LDLRAD4: variants seen among roughly 807,000 people sequenced by gnomAD.
LDLRAD4 encodes the protein low-density lipoprotein receptor class A domain-containing protein 4.
Under a neutral mutation model 17.0 loss-of-function variants are expected in LDLRAD4, and 5 were observed. The observed-to-expected ratio is 0.29, with a 90% CI of 0.15 to 0.62. The LOEUF (loss-of-function observed/expected upper bound fraction) is 0.62. Among genes scored for constraint, LDLRAD4 ranks in the 20% least tolerant of loss-of-function variants. LDLRAD4 has a pLI of 0.84. For missense variants in LDLRAD4, 340 were observed against 424.7 expected, an observed-to-expected ratio of 0.80 and a Z score of 1.75; for synonymous variants, 168 against 171.8, an observed-to-expected ratio of 0.98 and a Z score of 0.17.
chr18:13,297,667 G>C (rs2046348208), intron 1 of LDLRAD4, among the ~76,000 whole-genome samples: 1 of 152,158 alleles, frequency 6.6e-6, no homozygotes, highest in Non-Finnish European at 1.5e-5. Context: ...GGGCATGGTG[G>C]CATGCACCTG....
At chr18:13,592,410 C>A (rs1444661350) in intron 3 of LDLRAD4, among the ~76,000 whole-genome samples, 1 of 152,166 alleles carries the variant, frequency 6.6e-6, no homozygotes, top group Non-Finnish European at 1.5e-5. Flanking sequence ...TAATAGATTG[C>A]AACCCATGCT....
chr18:13,355,523 G>C (rs1051123131), intron 1 of LDLRAD4, among the ~76,000 whole-genome samples: 6 of 152,220 alleles, frequency 3.9e-5, no homozygotes, highest in African/African-American at 1.4e-4. Context: ...TTCCAGAAGG[G>C]CAAATGCCTA....
intron 1 of LDLRAD4, among the ~76,000 whole-genome samples, chr18:13,380,086 G>A (rs2085238130): frequency 2.0e-5 from 3 of 152,184 alleles, no homozygotes; most frequent in Admixed American, 2.0e-4. Flanking sequence ...GGGCATTGCC[G>A]CTGCTTGGCT....
intron 3 of LDLRAD4, among the ~76,000 whole-genome samples, chr18:13,478,823 GTACT>G (rs2093012297): frequency 6.6e-6 from 1 of 152,170 alleles, no homozygotes; most frequent in Non-Finnish European, 1.5e-5. Flanking sequence ...AGCCAACACA[GTACT>G]GAAGGGCAAG....
chr18:13,650,041 G>A (rs1433652475), exon 6 of LDLRAD4: 2 of 398,498 alleles, frequency 5.0e-6, no homozygotes, highest in Non-Finnish European at 8.8e-6. Flanking sequence ...CAGCAGCTGC[G>A]TGGCTTACCG....
chr18:13,252,380 C>T (rs574271386), intron 1 of LDLRAD4, among the ~76,000 whole-genome samples: 23 of 152,304 alleles, frequency 1.5e-4, no homozygotes, highest in East Asian at 3.9e-4. Context: ...CCACCCACCT[C>T]GTCCTCCCAA....
At chr18:13,401,080 G>T (rs2087144759) in intron 2 of LDLRAD4, among the ~76,000 whole-genome samples, 1 of 152,150 alleles carries the variant, frequency 6.6e-6, no homozygotes, top group African/African-American at 2.4e-5. Flanking sequence ...GCAAGGTGAG[G>T]CCTCGCTAAG....
chr18:13,240,868 C>CA (rs2042605325), intron 1 of LDLRAD4: 1 of 152,112 alleles, frequency 6.6e-6, no homozygotes, highest in Non-Finnish European at 1.5e-5. Context: ...GGTCTAATCT[C>CA]ACGATTTTTG....
chr18:13,505,852 A>G (rs2093683898), intron 3 of LDLRAD4, among the ~76,000 whole-genome samples: 1 of 152,050 alleles, frequency 6.6e-6, no homozygotes, highest in Non-Finnish European at 1.5e-5. Flanking sequence ...ACAAAACACT[A>G]GCAACCTTGA....
intron 4 of LDLRAD4, among the ~76,000 whole-genome samples, chr18:13,630,217 A>G (rs1330580113): frequency 6.6e-6 from 1 of 152,118 alleles, no homozygotes; most frequent in Non-Finnish European, 1.5e-5. Flanking sequence ...CTCTTAAGGG[A>G]CGTGCCCTAG....
At position 13,571,915 on chromosome 18, in the gene LDLRAD4, C is replaced by A. The variant is rs186305566; in HGVS notation, c.182-49202C>A. 6.7e-3 allele frequency among the ~76,000 whole-genome samples: 1,026 copies of A among 152,290 alleles called. 33 individuals are homozygous for A. The highest frequency in any genetic ancestry group is 0.057 in the Admixed American group (867 of 15,302). On this transcript the variant is annotated intron_variant, in intron 3 of 5. Coordinates refer to ENST00000359446, the Ensembl canonical transcript of LDLRAD4. ...CCTCCCAAAGTGCTAGGATTACAGG[C>A]GTGAGCTACCGCACCGGGCCTATAA...
chr18:13,650,468 T>C (rs1406069025), exon 6 of LDLRAD4: 2 of 397,820 alleles, frequency 5.0e-6, no homozygotes, highest in Non-Finnish European at 8.8e-6. Context: ...ACCCCTATCA[T>C]GTCAGAGATC....
At chr18:13,422,259 G>C (rs2089537302) in intron 2 of LDLRAD4, among the ~76,000 whole-genome samples, 1 of 152,240 alleles carries the variant, frequency 6.6e-6, no homozygotes, top group Non-Finnish European at 1.5e-5. Context: ...ACTAGACAGA[G>C]AGAAGACTAG....
intron 3 of LDLRAD4, among the ~76,000 whole-genome samples, chr18:13,510,775 C>T (rs1190123163): frequency 6.6e-6 from 1 of 152,166 alleles, no homozygotes; most frequent in Non-Finnish European, 1.5e-5. Context: ...CCAGCCAGGG[C>T]TGGTGATGGA....
At chr18:13,227,743 G>A (rs1392505736) in intron 1 of LDLRAD4, among the ~76,000 whole-genome samples, 1 of 152,154 alleles carries the variant, frequency 6.6e-6, no homozygotes, top group Non-Finnish European at 1.5e-5. Flanking sequence ...GCAGAGTGAA[G>A]GAAGGAAAAG....
chr18:13,303,248 A>C (rs1307544667), intron 1 of LDLRAD4, among the ~76,000 whole-genome samples: 1 of 152,128 alleles, frequency 6.6e-6, no homozygotes, highest in Non-Finnish European at 1.5e-5. Flanking sequence ...TCTTCTGAAG[A>C]CAATTTTTTT....
At chr18:13,267,868 G>A (rs1270680743) in intron 1 of LDLRAD4, among the ~76,000 whole-genome samples, 1 of 152,136 alleles carries the variant, frequency 6.6e-6, no homozygotes, top group African/African-American at 2.4e-5. Context: ...AGGTAACATG[G>A]GCAGACCAAT....
chr18:13,226,180 C>CTTTTTTTTTTTTTCTTTTTTTTTTTTT (rs2041785385), intron 1 of LDLRAD4, among the ~76,000 whole-genome samples: 1 of 52,188 alleles, frequency 1.9e-5, no homozygotes, highest in Non-Finnish European at 3.3e-5. Context: ...CCATGCCTTG[C>CTTTTTTTTTTTTTCTTTTTTTTTTTTT]TTTTTTTTTT....
At chr18:13,291,068 A>C (rs1345177858) in intron 1 of LDLRAD4, among the ~76,000 whole-genome samples, 3 of 152,240 alleles carry the variant, frequency 2.0e-5, no homozygotes, top group Non-Finnish European at 1.5e-5. Context: ...ATAAACCTAA[A>C]ACAGGCTGTT....
Sources: gnomAD v4.1 joint callset for allele counts (sites outside exome capture counted in the v4.1 genomes callset) on GRCh38, gnomAD v4.1.1 for gene constraint, MANE v1.5 for transcripts, NCBI Gene and HGNC (gene_info 2026-07-23, HGNC 2026-07-21) for gene names.